Variants in IKZF2 observed in about 807,000 individuals in gnomAD.
IKZF2 encodes the protein IKAROS family zinc finger 2.
A neutral mutation model predicts 49.2 loss-of-function variants in IKZF2; 15 were observed. The observed-to-expected ratio is 0.30, with a 90% CI of 0.20 to 0.47. IKZF2 has a LOEUF of 0.47. IKZF2 is among the 20% of genes least tolerant of loss of function. IKZF2 has a pLI of 1.00. For missense variants in IKZF2, 567 were observed against 664.6 expected (o/e 0.85, Z 1.61); for synonymous variants, 227 against 221.4 (o/e 1.03, Z -0.23).
At chr2:213,113,393 C>T (rs7565643) in intron 4 of IKZF2, among the ~76,000 whole-genome samples, 11,541 of 152,142 alleles carry the variant, frequency 0.076, 1,112 homozygotes, top group African/African-American at 0.23. Flanking sequence ...ATGATCTTAT[C>T]TCTTCCTTAA....
intron 4 of IKZF2, among the ~76,000 whole-genome samples, chr2:213,131,102 G>A (rs2060461723): frequency 6.6e-6 from 1 of 152,018 alleles, no homozygotes; most frequent in Admixed American, 6.6e-5. Flanking sequence ...GTAAATGTTG[G>A]GATAAAACTG....
intron 6 of IKZF2, among the ~76,000 whole-genome samples, chr2:213,027,237 G>T (rs368979637): frequency 1.8e-4 from 27 of 151,992 alleles, no homozygotes; most frequent in African/African-American, 5.5e-4. Context: ...TCACTTCTGT[G>T]GTCTTTCAAT....
intron 6 of IKZF2, among the ~76,000 whole-genome samples, chr2:213,029,469 T>C (rs1342081975): frequency 7.2e-5 from 11 of 152,034 alleles, no homozygotes; most frequent in Non-Finnish European, 1.2e-4. Context: ...ATGCCTCCAA[T>C]GGCTACAGGA....
rs1694741356 is a variant in IKZF2 at position 212,999,914 on chromosome 2, T to C, written c.*7446A>G. Reference sequence around the variant, plus strand: ...TATTACAAAGTTTCTGCAGCTTCTTTAGTTGTACACACATACAGACACACA... The same window carrying C: ...TATTACAAAGTTTCTGCAGCTTCTTCAGTTGTACACACATACAGACACACA... On this transcript the variant is annotated 3_prime_UTR_variant, in exon 9 of 9. Coordinates refer to ENST00000434687, the MANE Select transcript of IKZF2 (RefSeq NM_001387220.1). 6.6e-6 allele frequency: 1 copy of C among 152,158 alleles called. No homozygotes were observed. The highest frequency in any genetic ancestry group is 2.4e-5 in the African/African-American group (1 of 41,374). 9.4% of individuals were successfully genotyped at this position (152,158 alleles called of 1,614,324 possible).
chr2:213,085,368 A>C (rs1440165563), intron 4 of IKZF2, among the ~76,000 whole-genome samples: 1 of 152,206 alleles, frequency 6.6e-6, no homozygotes, highest in African/African-American at 2.4e-5. Context: ...TTGACATCTT[A>C]GGGTATAAAT....
intron 6 of IKZF2, among the ~76,000 whole-genome samples, chr2:213,042,004 T>A (rs1699713283): frequency 6.6e-6 from 1 of 152,172 alleles, no homozygotes; most frequent in Non-Finnish European, 1.5e-5. Context: ...CACATTGTAG[T>A]TCGCATCATA....
intron 4 of IKZF2, among the ~76,000 whole-genome samples, chr2:213,120,904 C>T (rs954822009): frequency 1.3e-5 from 2 of 152,096 alleles, no homozygotes; most frequent in Non-Finnish European, 2.9e-5. Flanking sequence ...CAACGCCCAG[C>T]TAATTTTTTG....
chr2:213,081,726 T>A (rs945253529), intron 4 of IKZF2, among the ~76,000 whole-genome samples: 1 of 152,118 alleles, frequency 6.6e-6, no homozygotes, highest in African/African-American at 2.4e-5. Context: ...ATGGGGAAAG[T>A]GGGTTTTCAG....
At chr2:213,058,843 TA>T (rs1342824113) in intron 4 of IKZF2, among the ~76,000 whole-genome samples, 3 of 151,850 alleles carry the variant, frequency 2.0e-5, no homozygotes, top group Non-Finnish European at 3.0e-5. Context: ...ACATAAAGAA[TA>T]AAAATTACAT....
chr2:213,041,075 G>A (rs1235679736), intron 6 of IKZF2, among the ~76,000 whole-genome samples: 5 of 151,542 alleles, frequency 3.3e-5, no homozygotes, highest in African/African-American at 1.2e-4. Context: ...CCGAGATCAC[G>A]CCACTGCACT....
chr2:213,053,873 A>T (rs1004321607), intron 5 of IKZF2, among the ~76,000 whole-genome samples: 6 of 152,210 alleles, frequency 3.9e-5, no homozygotes, highest in African/African-American at 1.4e-4. Flanking sequence ...GTAGAGTATG[A>T]CAGAGAAAGA....
chr2:213,090,150 G>A (rs1705132751), intron 4 of IKZF2, among the ~76,000 whole-genome samples: 1 of 152,180 alleles, frequency 6.6e-6, no homozygotes. Context: ...TGTGGGCAGT[G>A]TGTGTTAGTG....
intron 4 of IKZF2, among the ~76,000 whole-genome samples, chr2:213,119,621 A>G (rs955121288): frequency 3.4e-4 from 51 of 152,194 alleles, no homozygotes; most frequent in African/African-American, 1.2e-3. Context: ...ACTCTACCCT[A>G]TGATGAGGCA....
chr2:213,130,097 CCTT>C (rs1483977895), intron 4 of IKZF2, among the ~76,000 whole-genome samples: 3 of 152,128 alleles, frequency 2.0e-5, no homozygotes, highest in African/African-American at 7.2e-5. Context: ...TGAAGGCACA[CCTT>C]CTCTATTTCT....
chr2:213,124,246 GCGCGCGCACACACACACA>G (rs1250276273), intron 4 of IKZF2, among the ~76,000 whole-genome samples: 5 of 102,518 alleles, frequency 4.9e-5, no homozygotes, highest in Middle Eastern at 4.6e-3. Context: ...GCGCTCGCGC[GCGCGCGCACACACACACA>G]CACACACACA....
In IKZF2 at chr2:213,007,331, C is replaced by T; in HGVS notation, c.*29G>A. On this transcript the variant is annotated 3_prime_UTR_variant, in exon 9 of 9. Coordinates refer to ENST00000434687, the MANE Select transcript of IKZF2 (RefSeq NM_001387220.1). ...TTTCTTCATGTGCAGTTCTTTACTTCATAGGGGTCCCCTTTGGAATGAAAA... is the reference window on the plus strand; with the variant it reads ...TTTCTTCATGTGCAGTTCTTTACTTTATAGGGGTCCCCTTTGGAATGAAAA... 7 of 1,601,914 alleles carry T rather than the reference C, an allele frequency of 4.4e-6. No homozygotes were observed. Among genetic ancestry groups the T allele is most frequent in the Non-Finnish European group, 6.0e-6 (7 of 1,174,458 alleles).
intron 4 of IKZF2, among the ~76,000 whole-genome samples, chr2:213,062,883 T>A (rs1559224124): frequency 6.6e-6 from 1 of 152,020 alleles, no homozygotes; most frequent in Non-Finnish European, 1.5e-5. Context: ...GCTGTTTAAA[T>A]AATGTGTTAG....
intron 7 of IKZF2, 79 bp from the exon 8 acceptor site, chr2:213,014,013 G>C (rs774328552): frequency 2.8e-5 from 38 of 1,343,710 alleles, no homozygotes; most frequent in Non-Finnish European, 3.8e-5. Flanking sequence ...ATGCCATCTC[G>C]ATATGTGTTA....
At chr2:213,096,801 A>G (rs1706048707) in intron 4 of IKZF2, among the ~76,000 whole-genome samples, 2 of 152,032 alleles carry the variant, frequency 1.3e-5, no homozygotes, top group Non-Finnish European at 2.9e-5. Flanking sequence ...GTGTCAATTT[A>G]AACTTGCATG....
Sources: gnomAD v4.1 joint callset for allele counts (sites outside exome capture counted in the v4.1 genomes callset) on GRCh38, gnomAD v4.1.1 for gene constraint, MANE v1.5 for transcripts, NCBI Gene and HGNC (gene_info 2026-07-23, HGNC 2026-07-21) for gene names.